Variants in OAS3 observed in about 807,000 individuals in gnomAD.
OAS3 encodes 2'-5'-oligoadenylate synthase 3.
In OAS3, 107 loss-of-function variants were observed where a neutral mutation model predicts 113.0. That is an observed-to-expected ratio of 0.95 (90% CI 0.81 to 1.11). The LOEUF (loss-of-function observed/expected upper bound fraction) is 1.11. Among genes scored for constraint, OAS3 ranks in the 50% most tolerant of loss-of-function variants. The pLI, the probability that OAS3 is intolerant of heterozygous loss-of-function variation, is 0.00. For synonymous variants in OAS3, 552 were observed against 573.6 expected, an observed-to-expected ratio of 0.96 and a Z score of 0.54; for missense variants, 1,258 against 1,389.1, an observed-to-expected ratio of 0.91 and a Z score of 1.50.
At chr12:112,948,475 C>G (rs1412195639) in intron 5 of OAS3, among the ~76,000 whole-genome samples, 1 of 138,860 alleles carries the variant, frequency 7.2e-6, no homozygotes, top group Non-Finnish European at 1.5e-5. Flanking sequence ...TGCACTCCAG[C>G]CTGGGTGACA....
At position 112,963,557 on chromosome 12, in the gene OAS3, T is replaced by A. The variant is rs1240359676; in HGVS notation, c.2229+100T>A. 1 of 1,247,014 alleles carries A rather than the reference T, an allele frequency of 8.0e-7. No homozygotes were observed. Among genetic ancestry groups the A allele is most frequent in the African/African-American group, 1.6e-5 (1 of 64,390 alleles). The allele number at this position is 1,247,014 out of a possible 1,614,324, so 77.2% of individuals were successfully genotyped here. A position where few individuals can be genotyped will look rare whatever the true frequency, so the allele number is the denominator to read the frequency against. ...CACCCATCCCCAGCTGCTAGGAGTG[T>A]TGGTGGCTGACAACTCATAGCCACC... is the stretch of plus-strand genomic sequence containing the variant. On this transcript the variant is annotated intron_variant, in intron 10 of 15. Coordinates refer to ENST00000228928, the MANE Select transcript of OAS3 (RefSeq NM_006187.4). The surrounding 1 kb of genome is among the most constrained non-coding windows in gnomAD (Gnocchi z 4.6).
In OAS3 at chr12:112,962,739, G is replaced by A. The variant is rs1405095847; in HGVS notation, c.1921G>A (p.Glu641Lys). The A allele has an allele frequency of 6.2e-7, 1 of 1,613,864 alleles. No individual in the cohort carries two copies. Among genetic ancestry groups the A allele is most frequent in the African/African-American group, 1.3e-5 (1 of 74,908 alleles). The change falls in exon 9 of 16, where the codon GAG becomes AAG. Residue 641 changes from glutamate (E) to lysine (K), a missense_variant. Glu to Lys is a moderately conservative substitution (Grantham distance 56, BLOSUM62 1). Transcript: ENST00000228928. ...ALELLTIFAW[E>K]QGCRQDCFNM... ...GGAGCTCCTCACCATCTTTGCCTGG[G>A]AGCAGGGCTGCAGGCAGGATTGTTT...
chr12:112,943,849 G>A (rs1424961094), intron 2 of OAS3, among the ~76,000 whole-genome samples: 1 of 152,174 alleles, frequency 6.6e-6, no homozygotes, highest in Non-Finnish European at 1.5e-5. Flanking sequence ...GAGTAGCTGG[G>A]ATTACAGGCG....
chr12:112,968,443 T>C (rs1357957896), intron 14 of OAS3, among the ~76,000 whole-genome samples: 1 of 152,228 alleles, frequency 6.6e-6, no homozygotes, highest in East Asian at 1.9e-4. Flanking sequence ...CGATGCCATA[T>C]TTGAGACATA....
chr12:112,950,895 A>G lies in OAS3; in HGVS notation c.1577A>G (p.Glu526Gly). The G allele has an allele frequency of 6.2e-7, 1 of 1,613,956 alleles. No homozygotes were observed. Among genetic ancestry groups the G allele is most frequent in the Non-Finnish European group, 8.5e-7 (1 of 1,179,864 alleles). The change falls in exon 7 of 16, where the codon GAG becomes GGG. Residue 526 changes from glutamate to glycine, a missense_variant. Physicochemically the swap from Glu to Gly is moderately conservative, Grantham distance 98. Coordinates refer to ENST00000228928, the MANE Select transcript of OAS3 (RefSeq NM_006187.4). Reference sequence around the variant, plus strand: ...CAGTTTCCTGAGCAGAATGTGCCTGAGGCTCTGCAGTTCCAGCTGGTGTCC... The same window carrying G: ...CAGTTTCCTGAGCAGAATGTGCCTGGGGCTCTGCAGTTCCAGCTGGTGTCC... ...SLQFPEQNVP[E>G]ALQFQLVSTA...
Position 112,948,903 on chromosome 12 carries a change from C to T in OAS3, c.1072C>T (p.Gln358Ter). 1 of 1,602,170 alleles carries T rather than the reference C, an allele frequency of 6.2e-7. No individual in the cohort carries two copies. The highest frequency in any genetic ancestry group is 8.5e-7 in the Non-Finnish European group (1 of 1,174,234). ...AGCSGLGHPIQLDPNQKTPEN... is the reference protein window; with the variant it reads ...AGCSGLGHPI ...ATGCTCAGGTTTGGGCCACCCCATC[C>T]AGCTAGACCCTAACCAGAAGACCCC... Residue 358 changes from glutamine to a stop codon, truncating the protein, a stop_gained, in exon 6 of 16, where the codon CAG becomes TAG. Transcript: ENST00000228928. LOFTEE classifies it high-confidence loss of function.
chr12:112,966,110 C>A, intron 12 of OAS3, 81 bp downstream of exon 12: 1 of 1,389,296 alleles, frequency 7.2e-7, no homozygotes, highest in Non-Finnish European at 1.0e-6. Flanking sequence ...TTGCACAGTA[C>A]ACAACCAGGC....
chr12:112,945,459 T>C (rs1327601957), intron 3 of OAS3: 1 of 152,966 alleles, frequency 6.5e-6, no homozygotes, highest in Non-Finnish European at 1.5e-5. Flanking sequence ...GTATGAGGTA[T>C]ATGCGGAGTT....
intron 11 of OAS3, 108 bp from the exon 12 acceptor site, chr12:112,965,636 G>C: frequency 1.0e-6 from 1 of 955,954 alleles, no homozygotes. Flanking sequence ...ACACAGAGAG[G>C]TTAGATGACT....
intron 7 of OAS3, among the ~76,000 whole-genome samples, chr12:112,953,826 G>T (rs1218343475): frequency 1.3e-5 from 2 of 152,146 alleles, no homozygotes; most frequent in African/African-American, 4.8e-5. Flanking sequence ...CCCACTTTTT[G>T]ATGGGGTTGT....
At position 112,972,465 on chromosome 12, in the gene OAS3, A is replaced by C. The variant is rs1248538557; in HGVS notation, c.*2492A>C. On this transcript the variant is annotated 3_prime_UTR_variant, in exon 16 of 16. Transcript: ENST00000228928. ...TCTCCCTGAGTTGATTGATAGGCTT[A>C]ATGGTCACCCTAAAAACACCCACAT... is the stretch of plus-strand genomic sequence containing the variant. 1 of 152,212 alleles carries C rather than the reference A, an allele frequency of 6.6e-6. No homozygotes were observed. The highest frequency in any genetic ancestry group is 1.5e-5 in the Non-Finnish European group (1 of 68,054). 9.4% of individuals were successfully genotyped at this position (152,212 alleles called of 1,614,324 possible). A position where few individuals can be genotyped will look rare whatever the true frequency, so the allele number is the denominator to read the frequency against.
chr12:112,948,153 G>T lies in OAS3; in HGVS notation c.1029+54G>T, dbSNP rs2043751290. 5.5e-6 allele frequency: 8 copies of T among 1,456,712 alleles called. No homozygotes were observed. The Middle Eastern group carries it at 1.0e-3, about 183-fold the overall frequency. 90.2% of individuals were successfully genotyped at this position (1,456,712 alleles called of 1,614,324 possible). A position where few individuals can be genotyped will look rare whatever the true frequency, so the allele number is the denominator to read the frequency against. ...GTTTTGCACTTTGTTTATGTGTCCA[G>T]TGTTTCCTGAGCATCTACTATGTGC... On this transcript the variant is annotated intron_variant, in intron 5 of 15. Coordinates refer to ENST00000228928, the MANE Select transcript of OAS3 (RefSeq NM_006187.4).
At chr12:112,943,826 G>A (rs1353038719) in intron 2 of OAS3, among the ~76,000 whole-genome samples, 1 of 152,142 alleles carries the variant, frequency 6.6e-6, no homozygotes, top group South Asian at 2.1e-4. Flanking sequence ...CAATTCTCGT[G>A]CTTCGGCCTC....
In OAS3 at chr12:112,948,985, C is replaced by T; in HGVS notation, c.1154C>T (p.Ser385Leu). 1 of 1,614,016 alleles carries T rather than the reference C, an allele frequency of 6.2e-7. No homozygotes were observed. Among genetic ancestry groups the T allele is most frequent in the Non-Finnish European group, 8.5e-7 (1 of 1,179,890 alleles). The part of the protein sequence containing the change: ...VYPRAGSKPP[S>L]CPAPGPTGAA... ...CCAAGAGCAGGGAGCAAACCTCCCT[C>T]ATGCCCAGCTCCTGGCCCCACTGGG... Residue 385 changes from serine (S) to leucine (L), a missense_variant, in exon 6 of 16, where the codon TCA becomes TTA. Coordinates refer to ENST00000228928, the MANE Select transcript of OAS3 (RefSeq NM_006187.4).
At chr12:112,948,840 G>C (rs1014787633) in intron 5 of OAS3, 21 bp from the exon 6 acceptor site, 11 of 1,530,764 alleles carry the variant, frequency 7.2e-6, no homozygotes, top group African/African-American at 4.1e-5. Context: ...GGCTGAGGCA[G>C]CTCCTTCAAT....
chr12:112,941,677 A>G lies in OAS3; in HGVS notation c.285A>G (p.Ala95=). 6.2e-7 allele frequency: 1 copy of G among 1,614,058 alleles called. No homozygotes were observed. Among genetic ancestry groups the G allele is most frequent in the Non-Finnish European group, 8.5e-7 (1 of 1,179,906 alleles). ...ATGTGGACCAGAGGGCCCGCCGTGC[A>G]GAGATCCTCAGTGAGATGCGGGCAT... is the stretch of plus-strand genomic sequence containing the variant. ...KSYVDQRARR[A]EILSEMRASL... Residue 95 remains alanine (A), a synonymous_variant, in exon 2 of 16, where the codon GCA becomes GCG. Transcript: ENST00000228928.
In OAS3 at chr12:112,964,748, G is replaced by A. The variant is rs557061665; in HGVS notation, c.2403+340G>A. Among the ~76,000 whole-genome samples, 13 of 151,886 alleles carry A rather than the reference G, an allele frequency of 8.6e-5. No homozygotes were observed. In the East Asian group the frequency reaches 2.3e-3, roughly 27 times the overall value. On this transcript the variant is annotated intron_variant, in intron 11 of 15. Transcript: ENST00000228928. The stretch of plus-strand genomic sequence containing the variant: ...GACTCAGTTTTTCTCTCCAGTTCTC[G>A]GTTCTGCTTTTTAATGTCTTGGATA...
chr12:112,940,271 G>A (rs2043668104), intron 1 of OAS3, among the ~76,000 whole-genome samples: 1 of 152,176 alleles, frequency 6.6e-6, no homozygotes, highest in Admixed American at 6.5e-5. Flanking sequence ...GATGGTGGGA[G>A]CTGGTAGTAA....
Position 112,967,987 on chromosome 12 carries a change from G to A in OAS3, c.2917G>A (p.Glu973Lys), listed in dbSNP as rs778957105. Reference protein sequence around the residue: ...RGSLPPQHGLELLTVYAWEQG... With the variant: ...RGSLPPQHGLKLLTVYAWEQG... ...CTCCCTACCCCCACAGCACGGGCTG[G>A]AACTCCTGACTGTGTATGCCTGGGA... Residue 973 changes from glutamate (E) to lysine (K), a missense_variant, in exon 14 of 16, where the codon GAA becomes AAA. Physicochemically the swap from Glu to Lys is moderately conservative, Grantham distance 56 (BLOSUM62 1). Coordinates refer to ENST00000228928, the MANE Select transcript of OAS3 (RefSeq NM_006187.4). 1.9e-6 allele frequency: 3 copies of A among 1,613,866 alleles called. No homozygotes were observed. Among genetic ancestry groups the A allele is most frequent in the Non-Finnish European group, 2.5e-6 (3 of 1,179,896 alleles).
Sources: allele counts gnomAD v4.1 joint callset (sites outside exome capture counted in the v4.1 genomes callset), GRCh38; gene constraint gnomAD v4.1.1; non-coding constraint Gnocchi (gnomAD v3.1); transcripts MANE v1.5; gene names NCBI Gene and HGNC (gene_info 2026-07-23, HGNC 2026-07-21).